The following NPTN variants were observed in gnomAD, a reference collection of about 807,000 sequenced individuals.
The protein encoded by NPTN is SDR-1.
NPTN carries 5 observed loss-of-function variants against 42.7 expected under a neutral mutation model. The ratio of observed to expected loss-of-function variants is 0.12; its 90% CI spans 0.06 to 0.25. The LOEUF (loss-of-function observed/expected upper bound fraction) is 0.25. Among genes scored for constraint, NPTN ranks in the 10% least tolerant of loss-of-function variants. NPTN has a pLI of 1.00. For synonymous variants in NPTN, 180 were observed against 201.9 expected, an observed-to-expected ratio of 0.89 and a Z score of 0.92; for missense variants, 307 against 525.4, an observed-to-expected ratio of 0.58 and a Z score of 4.06.
At chr15:73,622,495 G>GT (rs200224289) in intron 1 of NPTN, among the ~76,000 whole-genome samples, 4 of 125,190 alleles carry the variant, frequency 3.2e-5, no homozygotes, top group Admixed American at 1.6e-4. Flanking sequence ...AGGGAGAATT[G>GT]TTTTAAAAAA....
chr15:73,623,513 C>A lies in NPTN; in HGVS notation c.91+9612G>T, dbSNP rs142186865. 2.0e-5 allele frequency among the ~76,000 whole-genome samples: 3 copies of A among 152,240 alleles called. No homozygotes were observed. The East Asian group carries it at 5.8e-4, about 29-fold the overall frequency. On this transcript the variant is annotated intron_variant, in intron 1 of 8. Coordinates refer to ENST00000345330, the MANE Select transcript of NPTN (RefSeq NM_012428.4). ...ACCAGCCTGGGCAACATAGGGAGAC[C>A]TCATCTCCACAAAAAATTCAAAAAT... is the stretch of plus-strand genomic sequence containing the variant.
intron 6 of NPTN, among the ~76,000 whole-genome samples, chr15:73,564,965 T>C (rs941074366): frequency 6.6e-6 from 1 of 152,202 alleles, no homozygotes; most frequent in Non-Finnish European, 1.5e-5. Flanking sequence ...TTTCAAAGCA[T>C]GACACTGTAG....
rs528011131 is a variant in NPTN, at chr15:73,560,123, C to T, written c.*940G>A. On this transcript the variant is annotated 3_prime_UTR_variant, in exon 9 of 9. Transcript: ENST00000345330. ...ACAAGTACATGCATCTACAATTACG[C>T]ACCGCATGAGAACCGTTAGGTTATA... 19 of 451,720 alleles carry T rather than the reference C, an allele frequency of 4.2e-5. No homozygotes were observed. Among genetic ancestry groups the T allele is most frequent in the African/African-American group, 2.1e-4 (10 of 48,380 alleles). The allele number at this position is 451,720 out of a possible 1,614,324, so 28.0% of individuals were successfully genotyped here.
chr15:73,585,970 C>A (rs1296133632), intron 4 of NPTN, among the ~76,000 whole-genome samples: 1 of 152,236 alleles, frequency 6.6e-6, no homozygotes, highest in Non-Finnish European at 1.5e-5. Context: ...GCCACTAAAC[C>A]CCACCTTCGT....
At chr15:73,565,753 T>TA (rs1349871299) in intron 6 of NPTN, 9 of 456,448 alleles carry the variant, frequency 2.0e-5, no homozygotes, top group South Asian at 1.4e-4. Flanking sequence ...GAATCCACCT[T>TA]ATGAGAGTGA....
At chr15:73,571,783 T>C (rs1160577697) in intron 5 of NPTN, among the ~76,000 whole-genome samples, 4 of 152,272 alleles carry the variant, frequency 2.6e-5, no homozygotes, top group Non-Finnish European at 5.9e-5. Context: ...AAGGGGAATA[T>C]TATCCTGGAA....
At chr15:73,605,920 C>A (rs925794978) in intron 1 of NPTN, among the ~76,000 whole-genome samples, 1 of 151,306 alleles carries the variant, frequency 6.6e-6, no homozygotes, top group Non-Finnish European at 1.5e-5. Context: ...CTATGGCCAT[C>A]ATGCGGTGGC....
intron 1 of NPTN, among the ~76,000 whole-genome samples, chr15:73,611,713 C>T (rs1897589342): frequency 6.6e-6 from 1 of 152,110 alleles, no homozygotes; most frequent in African/African-American, 2.4e-5. Flanking sequence ...GTATGCACAA[C>T]ATCAAGAATG....
chr15:73,595,199 G>C (rs1043572284), intron 2 of NPTN, among the ~76,000 whole-genome samples: 3 of 152,160 alleles, frequency 2.0e-5, no homozygotes, highest in Admixed American at 1.3e-4. Context: ...CTATGAGTCA[G>C]GCTCTTGGAA....
intron 4 of NPTN, 110 bp downstream of exon 4, chr15:73,587,414 T>G: frequency 5.2e-6 from 4 of 771,430 alleles, no homozygotes; most frequent in Non-Finnish European, 8.8e-6. Context: ...CAACATTATA[T>G]TGTGTCTCGA....
intron 1 of NPTN, among the ~76,000 whole-genome samples, chr15:73,605,038 C>T (rs369247404): frequency 1.0e-4 from 15 of 148,618 alleles, no homozygotes; most frequent in Admixed American, 8.8e-4. Context: ...GTTGAGGCTG[C>T]AGTGAGCTAT....
intron 1 of NPTN, among the ~76,000 whole-genome samples, chr15:73,630,054 A>G (rs1898651191): frequency 6.6e-6 from 1 of 152,204 alleles, no homozygotes; most frequent in Non-Finnish European, 1.5e-5. Context: ...TATACACATG[A>G]AGAAAAATAA....
chr15:73,571,612 C>A (rs553638508), intron 5 of NPTN, among the ~76,000 whole-genome samples: 42 of 152,068 alleles, frequency 2.8e-4, no homozygotes, highest in Non-Finnish European at 2.5e-4. Flanking sequence ...GGCAGGGATT[C>A]GCATGGGTGT....
chr15:73,571,807 T>C (rs1895410425), intron 5 of NPTN, among the ~76,000 whole-genome samples: 1 of 152,206 alleles, frequency 6.6e-6, no homozygotes, highest in African/African-American at 2.4e-5. Flanking sequence ...ATTCTAGATA[T>C]GGCATACAAT....
chr15:73,611,100 C>A (rs1427356673), intron 1 of NPTN, among the ~76,000 whole-genome samples: 1 of 152,162 alleles, frequency 6.6e-6, no homozygotes, highest in Non-Finnish European at 1.5e-5. Context: ...TTACACTGAG[C>A]CAGAGTCCAA....
chr15:73,562,400 C>A (rs1415265254), intron 7 of NPTN, among the ~76,000 whole-genome samples: 7 of 152,164 alleles, frequency 4.6e-5, no homozygotes, highest in African/African-American at 1.4e-4. Context: ...CTCCTTTTGA[C>A]CCCCAAGGCA....
intron 1 of NPTN, among the ~76,000 whole-genome samples, chr15:73,624,600 T>C (rs1898303459): frequency 6.6e-6 from 1 of 152,150 alleles, no homozygotes; most frequent in African/African-American, 2.4e-5. Context: ...GGAAGCAGTG[T>C]CTAAAAACTA....
intron 1 of NPTN, among the ~76,000 whole-genome samples, chr15:73,605,062 C>T (rs996657220): frequency 6.7e-6 from 1 of 149,082 alleles, no homozygotes; most frequent in African/African-American, 2.5e-5. Context: ...CATTCCACTG[C>T]ACTCCAGCCT....
At chr15:73,612,900 C>G (rs1433590701) in intron 1 of NPTN, among the ~76,000 whole-genome samples, 8 of 152,164 alleles carry the variant, frequency 5.3e-5, no homozygotes, top group African/African-American at 9.7e-5. Context: ...ATCTCCTAAG[C>G]CTTTATCACG....
Sources: gnomAD v4.1 joint callset for allele counts (sites outside exome capture counted in the v4.1 genomes callset) on GRCh38, gnomAD v4.1.1 for gene constraint, MANE v1.5 for transcripts, NCBI Gene and HGNC (gene_info 2026-07-23, HGNC 2026-07-21) for gene names.